The following RNF220 variants were observed in gnomAD, a reference collection of about 807,000 sequenced individuals.
RNF220 encodes the protein E3 ubiquitin-protein ligase RNF220.
A neutral mutation model predicts 67.1 loss-of-function variants in RNF220; 7 were observed. That is an observed-to-expected ratio of 0.10 (90% CI 0.06 to 0.20). RNF220 has a LOEUF of 0.20. Ranked by LOEUF, RNF220 falls within the 10% of genes least tolerant of loss-of-function variation. The pLI is 1.00. For missense variants in RNF220, 565 were observed against 740.3 expected, an observed-to-expected ratio of 0.76 and a Z score of 2.75; for synonymous variants, 270 against 283.2, an observed-to-expected ratio of 0.95 and a Z score of 0.47.
intron 2 of RNF220, among the ~76,000 whole-genome samples, chr1:44,495,311 G>A (rs1657240606): frequency 1.3e-5 from 2 of 151,884 alleles, no homozygotes; most frequent in Non-Finnish European, 2.9e-5. Flanking sequence ...CTACCACAGT[G>A]CTTGGCACAG....
intron 2 of RNF220, among the ~76,000 whole-genome samples, chr1:44,597,420 C>T (rs1572993342): frequency 6.6e-6 from 1 of 151,430 alleles, no homozygotes; most frequent in East Asian, 1.9e-4. Flanking sequence ...AACGTACATC[C>T]TTCTCTGTCT....
chr1:44,507,850 C>G (rs2148113171), intron 2 of RNF220, among the ~76,000 whole-genome samples: 1 of 152,110 alleles, frequency 6.6e-6, no homozygotes, highest in African/African-American at 2.4e-5. Flanking sequence ...TCAGAATGCT[C>G]TTTTGTGTGG....
chr1:44,484,949 CTG>C (rs1389981786), intron 2 of RNF220, among the ~76,000 whole-genome samples: 2 of 152,158 alleles, frequency 1.3e-5, no homozygotes, highest in East Asian at 3.9e-4. Flanking sequence ...CGAGGCCATC[CTG>C]GCTAACACGA....
chr1:44,557,929 G>T (rs1663248068), intron 2 of RNF220, among the ~76,000 whole-genome samples: 1 of 152,194 alleles, frequency 6.6e-6, no homozygotes, highest in African/African-American at 2.4e-5. Context: ...TGCATGCCCT[G>T]CGTCTTCTCC....
chr1:44,567,178 T>C (rs1572901856), intron 2 of RNF220, among the ~76,000 whole-genome samples: 1 of 152,052 alleles, frequency 6.6e-6, no homozygotes, highest in Non-Finnish European at 1.5e-5. Context: ...GGTGGGATGC[T>C]CTTGCTCATG....
intron 2 of RNF220, among the ~76,000 whole-genome samples, chr1:44,613,061 G>A (rs935264360): frequency 7.3e-5 from 11 of 151,636 alleles, no homozygotes; most frequent in Non-Finnish European, 1.5e-5. Context: ...GATATGCAGG[G>A]ATGTTTCTGG....
At chr1:44,487,575 G>A (rs959493557) in intron 2 of RNF220, among the ~76,000 whole-genome samples, 3 of 150,812 alleles carry the variant, frequency 2.0e-5, no homozygotes, top group Non-Finnish European at 4.4e-5. Flanking sequence ...GCTCCCACCT[G>A]TAATCCCAGC....
At chr1:44,523,695 G>T (rs2148164494) in intron 2 of RNF220, among the ~76,000 whole-genome samples, 1 of 152,316 alleles carries the variant, frequency 6.6e-6, no homozygotes, top group South Asian at 2.1e-4. Flanking sequence ...TTAGGGAGAG[G>T]TATGGAAGGA....
chr1:44,509,130 G>A (rs925648459), intron 2 of RNF220, among the ~76,000 whole-genome samples: 3 of 152,116 alleles, frequency 2.0e-5, no homozygotes, highest in Non-Finnish European at 4.4e-5. Context: ...TCCCATTTAC[G>A]GGTGTGAAAA....
At chr1:44,555,186 A>C (rs918347926) in intron 2 of RNF220, among the ~76,000 whole-genome samples, 3 of 151,174 alleles carry the variant, frequency 2.0e-5, no homozygotes, top group Non-Finnish European at 4.4e-5. Flanking sequence ...TCCTACCTCA[A>C]CCTCCTGTGT....
chr1:44,519,489 A>G (rs969303092), intron 2 of RNF220, among the ~76,000 whole-genome samples: 1 of 152,192 alleles, frequency 6.6e-6, no homozygotes, highest in Non-Finnish European at 1.5e-5. Flanking sequence ...ATCCTGAGGA[A>G]TGGAGGAAGT....
At chr1:44,623,724 T>C (rs1406501277) in intron 4 of RNF220, among the ~76,000 whole-genome samples, 1 of 152,168 alleles carries the variant, frequency 6.6e-6, no homozygotes, top group Non-Finnish European at 1.5e-5. Context: ...GAGGGACTCC[T>C]GCACTTGGTG....
intron 2 of RNF220, among the ~76,000 whole-genome samples, chr1:44,568,481 C>A (rs545381270): frequency 1.3e-5 from 2 of 152,334 alleles, no homozygotes; most frequent in East Asian, 1.9e-4. Context: ...CAGTGCCTGG[C>A]CACATGGTAA....
At chr1:44,418,651 AAAC>A (rs1288697179) in intron 2 of RNF220, among the ~76,000 whole-genome samples, 2 of 151,968 alleles carry the variant, frequency 1.3e-5, no homozygotes, top group East Asian at 3.9e-4. Flanking sequence ...ACAAAAAAAA[AAAC>A]ACACACACAT....
intron 2 of RNF220, among the ~76,000 whole-genome samples, chr1:44,436,089 A>G (rs1650939074): frequency 6.6e-6 from 1 of 151,982 alleles, no homozygotes; most frequent in Non-Finnish European, 1.5e-5. Flanking sequence ...TGCCTCCTTG[A>G]CACACAAAGT....
intron 2 of RNF220, among the ~76,000 whole-genome samples, chr1:44,441,139 A>AG (rs1428439795): frequency 6.6e-6 from 1 of 152,188 alleles, no homozygotes; most frequent in Non-Finnish European, 1.5e-5. Context: ...CCCCAGTTAA[A>AG]GGGGGGAAAT....
At chr1:44,557,713 C>T (rs1343806879) in intron 2 of RNF220, among the ~76,000 whole-genome samples, 2 of 152,224 alleles carry the variant, frequency 1.3e-5, no homozygotes, top group Admixed American at 6.5e-5. Context: ...TCACTGGCCA[C>T]GGTATAAAAT....
intron 2 of RNF220, among the ~76,000 whole-genome samples, chr1:44,574,760 C>T (rs536618978): frequency 7.2e-5 from 11 of 152,280 alleles, no homozygotes; most frequent in African/African-American, 1.9e-4. Flanking sequence ...ACCTCCAGCC[C>T]GGGGTGGGGT....
intron 2 of RNF220, among the ~76,000 whole-genome samples, chr1:44,425,173 C>T (rs903986139): frequency 3.9e-5 from 6 of 152,148 alleles, no homozygotes; most frequent in African/African-American, 1.4e-4. Context: ...CTGAGAGGTT[C>T]AGGGGGTTTT....
Sources: gnomAD v4.1 joint callset for allele counts (sites outside exome capture counted in the v4.1 genomes callset) on GRCh38, gnomAD v4.1.1 for gene constraint, MANE v1.5 for transcripts, NCBI Gene and HGNC (gene_info 2026-07-23, HGNC 2026-07-21) for gene names.